Variants in BBX observed in about 807,000 individuals in gnomAD.
BBX encodes HMG box transcription factor BBX.
Under a neutral mutation model 100.2 loss-of-function variants are expected in BBX, and 30 were observed. The ratio of observed to expected loss-of-function variants is 0.30; its 90% CI spans 0.22 to 0.41. The LOEUF (loss-of-function observed/expected upper bound fraction) is 0.41. Ranked by LOEUF, BBX falls within the 10% of genes least tolerant of loss-of-function variation. The pLI, the probability that BBX is intolerant of heterozygous loss-of-function variation, is 1.00. For synonymous variants in BBX, 376 were observed against 388.1 expected (o/e 0.97, Z 0.37); for missense variants, 1,023 against 1,129.8 (o/e 0.91, Z 1.35).
chr3:107,594,591 C>T (rs1341773445), intron 2 of BBX, among the ~76,000 whole-genome samples: 1 of 152,158 alleles, frequency 6.6e-6, no homozygotes, highest in African/African-American at 2.4e-5. Flanking sequence ...CCAGCTCTTT[C>T]ATTTCTTATT....
chr3:107,727,937 A>T (rs1448087098), intron 5 of BBX, among the ~76,000 whole-genome samples: 1 of 152,210 alleles, frequency 6.6e-6, no homozygotes, highest in Non-Finnish European at 1.5e-5. Context: ...AACTTTTGGA[A>T]ATATGTAACG....
intron 7 of BBX, among the ~76,000 whole-genome samples, chr3:107,738,845 A>G (rs2063852912): frequency 6.6e-6 from 1 of 152,062 alleles, no homozygotes; most frequent in African/African-American, 2.4e-5. Flanking sequence ...TCTCTCAAGA[A>G]CCCTCTGAGG....
chr3:107,528,248 T>C (rs1349796043), intron 2 of BBX, among the ~76,000 whole-genome samples: 1 of 152,214 alleles, frequency 6.6e-6, no homozygotes, highest in African/African-American at 2.4e-5. Context: ...AAGACGTTTT[T>C]GCTTCTCCAT....
At chr3:107,524,611 CA>C (rs2047606955) in intron 1 of BBX, 5 of 20,284 alleles carry the variant, frequency 2.5e-4, no homozygotes, top group African/African-American at 5.6e-4. Context: ...ACATGTACGA[CA>C]GAGGGGGGGG....
intron 9 of BBX, among the ~76,000 whole-genome samples, chr3:107,753,468 G>A (rs1446052993): frequency 6.6e-6 from 1 of 152,120 alleles, no homozygotes; most frequent in Non-Finnish European, 1.5e-5. Context: ...CCCTGTACCT[G>A]TAAACAGGTA....
intron 7 of BBX, among the ~76,000 whole-genome samples, chr3:107,742,097 T>G (rs1303243569): frequency 1.3e-5 from 2 of 152,200 alleles, no homozygotes; most frequent in Non-Finnish European, 2.9e-5. Flanking sequence ...ACAATTTTTC[T>G]TACGTTGACA....
At chr3:107,526,442 A>G (rs1422034221) in intron 2 of BBX, 44 bp downstream of exon 2, 1 of 398,380 alleles carries the variant, frequency 2.5e-6, no homozygotes, top group African/African-American at 2.1e-5. Context: ...GATGACAATT[A>G]GTAATGACAT....
At chr3:107,613,280 G>A (rs1040495204) in intron 2 of BBX, among the ~76,000 whole-genome samples, 19 of 149,332 alleles carry the variant, frequency 1.3e-4, no homozygotes, top group African/African-American at 4.5e-4. Flanking sequence ...TCTGCCTCCC[G>A]GGTTCACGCC....
intron 9 of BBX, among the ~76,000 whole-genome samples, chr3:107,753,344 T>G (rs2065219963): frequency 2.0e-5 from 3 of 152,136 alleles, no homozygotes; most frequent in African/African-American, 7.2e-5. Flanking sequence ...GCCATAAAAA[T>G]GTTACTGTTA....
At chr3:107,536,099 G>T (rs952476014) in intron 2 of BBX, among the ~76,000 whole-genome samples, 1 of 152,220 alleles carries the variant, frequency 6.6e-6, no homozygotes, top group Non-Finnish European at 1.5e-5. Context: ...TATAGGGTCA[G>T]TCAGCAGTTC....
At position 107,807,047 on chromosome 3, in the gene BBX, T is replaced by C. The variant is rs1399829851; in HGVS notation, c.*1590T>C. 4 of 152,216 alleles carry C rather than the reference T, an allele frequency of 2.6e-5. No homozygotes were observed. Among genetic ancestry groups the C allele is most frequent in the African/African-American group, 4.8e-5 (2 of 41,456 alleles). 9.4% of individuals were successfully genotyped at this position (152,216 alleles called of 1,614,324 possible). Reference sequence around the variant, plus strand: ...TGAATTGTAATGATTTTTTTTCTAATTGTAATTTGACGTAATAGCCATACA... The same window carrying C: ...TGAATTGTAATGATTTTTTTTCTAACTGTAATTTGACGTAATAGCCATACA... On this transcript the variant is annotated 3_prime_UTR_variant, in exon 18 of 18. Coordinates refer to ENST00000325805, the MANE Select transcript of BBX (RefSeq NM_001142568.3).
intron 10 of BBX, among the ~76,000 whole-genome samples, chr3:107,767,621 G>T (rs563778649): frequency 6.6e-6 from 1 of 152,138 alleles, no homozygotes; most frequent in Non-Finnish European, 1.5e-5. Flanking sequence ...AAATACAGAC[G>T]ATTAATTCCT....
At chr3:107,681,989 A>T (rs2059594301) in intron 3 of BBX, among the ~76,000 whole-genome samples, 1 of 152,184 alleles carries the variant, frequency 6.6e-6, no homozygotes, top group Non-Finnish European at 1.5e-5. Flanking sequence ...CTAACATGAA[A>T]TAAAATCACA....
rs186756934 is a variant in BBX, at chr3:107,809,015, A to T, written c.*3558A>T. The stretch of plus-strand genomic sequence containing the variant: ...ATCTGAACTGGTCTGGTTATTTAGA[A>T]TCCAATGTGTTCAAATCCTTTTGTT... On this transcript the variant is annotated 3_prime_UTR_variant, in exon 18 of 18. Transcript: ENST00000325805. 6.6e-6 allele frequency: 1 copy of T among 152,338 alleles called. No homozygotes were observed. The highest frequency in any genetic ancestry group is 1.9e-4 in the East Asian group (1 of 5,188). The allele number at this position is 152,338 out of a possible 1,614,324, so 9.4% of individuals were successfully genotyped here. A position where few individuals can be genotyped will look rare whatever the true frequency, so the allele number is the denominator to read the frequency against.
chr3:107,658,109 T>C lies in BBX; in HGVS notation c.-10+12200T>C, dbSNP rs77924339. ...AGCAGTCAAAGAAGTAGCCATGTTGTATAATCTTTCCAATATTCCTTCTTT... is the reference window on the plus strand; with the variant it reads ...AGCAGTCAAAGAAGTAGCCATGTTGCATAATCTTTCCAATATTCCTTCTTT... On this transcript the variant is annotated intron_variant, in intron 3 of 17. Transcript: ENST00000325805. Among the ~76,000 whole-genome samples, 301 of 152,256 alleles carry C rather than the reference T, an allele frequency of 2.0e-3. 1 individual carries two copies. Among genetic ancestry groups the C allele is most frequent in the African/African-American group, 7.0e-3 (291 of 41,574 alleles).
intron 2 of BBX, among the ~76,000 whole-genome samples, chr3:107,555,691 T>C (rs1217194560): frequency 1.3e-5 from 2 of 152,210 alleles, no homozygotes; most frequent in Non-Finnish European, 2.9e-5. Context: ...AAGCTGCCAC[T>C]GAAGAAGATT....
chr3:107,755,687 C>G lies in BBX; in HGVS notation c.906+9C>G, dbSNP rs373312172. The G allele has an allele frequency of 1.2e-6, 2 of 1,608,168 alleles. No homozygotes were observed. Among genetic ancestry groups the G allele is most frequent in the African/African-American group, 2.7e-5 (2 of 74,742 alleles). Reference sequence around the variant, plus strand: ...TCTTTCAACTGGCAGAGGCAAGTTCCTAAGAATATATTGAGATAAGATCTG... The same window carrying G: ...TCTTTCAACTGGCAGAGGCAAGTTCGTAAGAATATATTGAGATAAGATCTG... On this transcript the variant is annotated intron_variant, in intron 10 of 17. Transcript: ENST00000325805.
intron 3 of BBX, among the ~76,000 whole-genome samples, chr3:107,647,605 C>T (rs530969569): frequency 2.0e-5 from 3 of 152,056 alleles, no homozygotes; most frequent in East Asian, 1.9e-4. Flanking sequence ...GAAAAGATGC[C>T]ATACAAAAAC....
At position 107,710,720 on chromosome 3, in the gene BBX, A is replaced by G. The variant is rs550858336; in HGVS notation, c.162+98A>G. The G allele has an allele frequency of 9.8e-5, 114 of 1,162,850 alleles. No individual in the cohort carries two copies. The African/African-American group carries it at 1.6e-3, about 16-fold the overall frequency. 72.0% of individuals were successfully genotyped at this position (1,162,850 alleles called of 1,614,324 possible). ...TGAATGATATTACAAAAGTGTTTCCAAAAGCCTGTATAGCTTGAATCCTAT... is the reference window on the plus strand; with the variant it reads ...TGAATGATATTACAAAAGTGTTTCCGAAAGCCTGTATAGCTTGAATCCTAT... On this transcript the variant is annotated intron_variant, in intron 4 of 17. Coordinates refer to ENST00000325805, the MANE Select transcript of BBX (RefSeq NM_001142568.3).
Sources: gnomAD v4.1 joint callset for allele counts (sites outside exome capture counted in the v4.1 genomes callset) on GRCh38, gnomAD v4.1.1 for gene constraint, MANE v1.5 for transcripts, NCBI Gene and HGNC (gene_info 2026-07-23, HGNC 2026-07-21) for gene names.